Variants in BCL11B observed in about 807,000 individuals in gnomAD.
The protein encoded by BCL11B is B-cell lymphoma/leukemia 11B.
BCL11B carries 8 observed loss-of-function variants against 49.9 expected under a neutral mutation model. The observed-to-expected ratio is 0.16, with a 90% CI of 0.09 to 0.29. The LOEUF (loss-of-function observed/expected upper bound fraction) is 0.29, where lower values mean the gene tolerates loss of function less well. BCL11B is among the 10% of genes least tolerant of loss of function. The pLI is 1.00. For missense variants in BCL11B, 1,006 were observed against 1,351.0 expected (o/e 0.74, Z 4.00); for synonymous variants, 739 against 637.4 (o/e 1.16, Z -2.40).
At chr14:99,263,908 A>C in intron 1 of BCL11B, among the ~76,000 whole-genome samples, 1 of 152,272 alleles carries the variant, frequency 6.6e-6, no homozygotes, top group East Asian at 1.9e-4. Flanking sequence ...CCATTACTAA[A>C]AGGTTACAAA....
At chr14:99,261,539 T>C (rs1238083838) in intron 1 of BCL11B, among the ~76,000 whole-genome samples, 5 of 152,116 alleles carry the variant, frequency 3.3e-5, no homozygotes, top group Admixed American at 6.5e-5. Context: ...AAAAGACCAA[T>C]GAAAACAGTC....
rs770101747 is a variant in BCL11B, at chr14:99,171,137, TG to T, written c.*3013del. The T allele has an allele frequency of 4.4e-4, 101 of 228,966 alleles. No individual in the cohort carries two copies. The highest frequency in any genetic ancestry group is 1.3e-3 in the Middle Eastern group (1 of 770). The allele number at this position is 228,966 out of a possible 1,614,324, so 14.2% of individuals were successfully genotyped here. A position where few individuals can be genotyped will look rare whatever the true frequency, so the allele number is the denominator to read the frequency against. ...ACAAATAATTTCCCATCTGGTCTGC[TG>T]TGGCCACACCAAGGAGCCTTGATGC... On this transcript the variant is annotated 3_prime_UTR_variant, in exon 4 of 4. Transcript: ENST00000357195.
rs1889354353 is a variant in BCL11B at position 99,262,151 on chromosome 14, C to A, written c.59-4312G>T. ...AGCCAAGCAGCCAACAAGCCCCCAGCAGCTGCAAGCTTTCAGCAGGGCCTT... is the reference window on the plus strand; with the variant it reads ...AGCCAAGCAGCCAACAAGCCCCCAGAAGCTGCAAGCTTTCAGCAGGGCCTT... On this transcript the variant is annotated intron_variant, in intron 1 of 3. Transcript: ENST00000357195. This position sits in a 1 kb window ranked among gnomAD's most constrained non-coding sequence, Gnocchi z 4.2. Among the ~76,000 whole-genome samples the A allele has an allele frequency of 6.6e-6, 1 of 152,270 alleles. No individual in the cohort carries two copies. The highest frequency in any genetic ancestry group is 1.5e-5 in the Non-Finnish European group (1 of 68,042).
chr14:99,239,006 T>A (rs1888588351), intron 2 of BCL11B, among the ~76,000 whole-genome samples: 1 of 152,186 alleles, frequency 6.6e-6, no homozygotes, highest in Admixed American at 6.5e-5. Flanking sequence ...CATGTGCACA[T>A]ACACACACAA....
In BCL11B at chr14:99,227,211, T is replaced by A. The variant is rs539486526; in HGVS notation, c.640+4134A>T. On this transcript the variant is annotated intron_variant, in intron 3 of 3. Transcript: ENST00000357195. Reference sequence around the variant, plus strand: ...TGGAAAGCGAAGATCCAGCTTGAAGTGAGACCTGACAGAGTCTCAATGTCG... The same window carrying A: ...TGGAAAGCGAAGATCCAGCTTGAAGAGAGACCTGACAGAGTCTCAATGTCG... 4.6e-5 allele frequency among the ~76,000 whole-genome samples: 7 copies of A among 152,314 alleles called. No homozygotes were observed. The East Asian group carries it at 1.3e-3, about 29-fold the overall frequency.
rs1224033768 is a variant in BCL11B at position 99,228,440 on chromosome 14, A to C, written c.640+2905T>G. 3.3e-5 allele frequency among the ~76,000 whole-genome samples: 5 copies of C among 152,170 alleles called. No individual in the cohort carries two copies. The highest frequency in any genetic ancestry group is 7.3e-5 in the Non-Finnish European group (5 of 68,030). ...CCAATGAACTGGGACCGAATGAAAAAAGAGAACTGTACCAGACATGGTGGC... is the reference window on the plus strand; with the variant it reads ...CCAATGAACTGGGACCGAATGAAAACAGAGAACTGTACCAGACATGGTGGC... On this transcript the variant is annotated intron_variant, in intron 3 of 3. Coordinates refer to ENST00000357195, the MANE Select transcript of BCL11B (RefSeq NM_138576.4). This position sits in a 1 kb window ranked among gnomAD's most constrained non-coding sequence, Gnocchi z 4.8.
intron 1 of BCL11B, among the ~76,000 whole-genome samples, chr14:99,258,777 A>C (rs1451550255): frequency 6.6e-6 from 1 of 152,216 alleles, no homozygotes; most frequent in Non-Finnish European, 1.5e-5. Context: ...ACTCCCAGAA[A>C]AATGAAAGAA....
At chr14:99,207,863 C>A (rs1449673634) in intron 3 of BCL11B, among the ~76,000 whole-genome samples, 1 of 152,186 alleles carries the variant, frequency 6.6e-6, no homozygotes, top group Non-Finnish European at 1.5e-5. Context: ...AGGGACAGGG[C>A]TCTGGCAGAT....
At chr14:99,249,648 G>A (rs1888943948) in intron 2 of BCL11B, among the ~76,000 whole-genome samples, 1 of 152,172 alleles carries the variant, frequency 6.6e-6, no homozygotes, top group South Asian at 2.1e-4. Context: ...GACACCCTGG[G>A]ACCCTACTCA....
intron 1 of BCL11B, among the ~76,000 whole-genome samples, chr14:99,267,535 A>G (rs1368079834): frequency 3.7e-5 from 2 of 53,394 alleles, no homozygotes; most frequent in East Asian, 2.4e-3. Flanking sequence ...CAGAAGGGAG[A>G]GGAACTTCAC....
chr14:99,250,604 T>G (rs1283060728), intron 2 of BCL11B, among the ~76,000 whole-genome samples: 1 of 152,048 alleles, frequency 6.6e-6, no homozygotes, highest in Non-Finnish European at 1.5e-5. Flanking sequence ...TAGCCAAGCA[T>G]GCAAATGAGC....
chr14:99,240,938 T>A (rs952068046), intron 2 of BCL11B, among the ~76,000 whole-genome samples: 1 of 152,236 alleles, frequency 6.6e-6, no homozygotes, highest in Non-Finnish European at 1.5e-5. Context: ...CAGTCCTCAA[T>A]GGAAATATCA....
At chr14:99,187,159 G>GA (rs1177941644) in intron 3 of BCL11B, among the ~76,000 whole-genome samples, 2 of 152,178 alleles carry the variant, frequency 1.3e-5, no homozygotes, top group Non-Finnish European at 2.9e-5. Flanking sequence ...TCAGGCTCAG[G>GA]AAACAGCCAC....
intron 1 of BCL11B, among the ~76,000 whole-genome samples, chr14:99,270,148 GC>G (rs1187725217): frequency 6.6e-6 from 1 of 151,868 alleles, no homozygotes; most frequent in East Asian, 1.9e-4. Context: ...TGCTTGTCTT[GC>G]CCCGCTGCCT....
Position 99,175,822 on chromosome 14 carries a change from G to T in BCL11B, c.1014C>A (p.Val338=), listed in dbSNP as rs753566448. The change falls in exon 4 of 4, where the codon GTC becomes GTA. Residue 338 remains valine, a synonymous_variant. Transcript: ENST00000357195. The part of the protein sequence containing the change: ...HRLSAEEMGL[V]AQHPSAFDRV... ...GGTCGAAGGCACTGGGGTGCTGGGC[G>T]ACGAGCCCCATCTCCTCGGCACTGA... 1 of 1,474,372 alleles carries T rather than the reference G, an allele frequency of 6.8e-7. No individual in the cohort carries two copies. The highest frequency in any genetic ancestry group is 8.9e-7 in the Non-Finnish European group (1 of 1,119,794). 91.3% of individuals were successfully genotyped at this position (1,474,372 alleles called of 1,614,324 possible).
intron 1 of BCL11B, chr14:99,263,179 A>T (rs1889386403): frequency 6.5e-6 from 1 of 152,806 alleles, no homozygotes; most frequent in Admixed American, 6.5e-5. Flanking sequence ...CCCTCTCAGC[A>T]GACAGTCAGA....
chr14:99,258,584 T>G (rs915506348), intron 1 of BCL11B, among the ~76,000 whole-genome samples: 2 of 152,056 alleles, frequency 1.3e-5, no homozygotes, highest in African/African-American at 4.8e-5. Flanking sequence ...GAGTGTCAGG[T>G]TCCAAAAAAA....
intron 3 of BCL11B, among the ~76,000 whole-genome samples, chr14:99,207,210 T>G (rs375294234): frequency 2.6e-5 from 4 of 152,304 alleles, no homozygotes; most frequent in African/African-American, 9.6e-5. Flanking sequence ...CTTCTATTAC[T>G]GGTTTACTTA....
intron 3 of BCL11B, among the ~76,000 whole-genome samples, chr14:99,227,793 C>G (rs1405834122): frequency 6.6e-6 from 1 of 152,226 alleles, no homozygotes; most frequent in Admixed American, 6.5e-5. Context: ...CTTGACCCCA[C>G]AGCCACTGTG....
Sources: gnomAD v4.1 joint callset for allele counts (sites outside exome capture counted in the v4.1 genomes callset) on GRCh38, gnomAD v4.1.1 for gene constraint, Gnocchi (gnomAD v3.1) non-coding constraint, MANE v1.5 for transcripts, NCBI Gene and HGNC (gene_info 2026-07-23, HGNC 2026-07-21) for gene names.